ALDH18A1: variants seen among roughly 807,000 people sequenced by gnomAD.
The protein encoded by ALDH18A1 is delta-1-pyrroline-5-carboxylate synthase.
Under a neutral mutation model 88.8 loss-of-function variants are expected in ALDH18A1, and 44 were observed. The observed-to-expected ratio is 0.50, with a 90% CI of 0.39 to 0.64. The LOEUF (loss-of-function observed/expected upper bound fraction) is 0.64. Among genes scored for constraint, ALDH18A1 ranks in the 30% least tolerant of loss-of-function variants. The pLI, the probability that ALDH18A1 is intolerant of heterozygous loss-of-function variation, is 0.00. For synonymous variants in ALDH18A1, 331 were observed against 372.1 expected (o/e 0.89, Z 1.27); for missense variants, 782 against 1,009.5 (o/e 0.77, Z 3.05).
At chr10:95,627,379 T>TAA in intron 9 of ALDH18A1, 63 bp downstream of exon 9, 1 of 1,595,774 alleles carries the variant, frequency 6.3e-7, no homozygotes, top group Non-Finnish European at 8.6e-7. Flanking sequence ...TTGTGATCTC[T>TAA]AACTAAGCCA....
chr10:95,648,458 G>A (rs1017182281), intron 2 of ALDH18A1, among the ~76,000 whole-genome samples: 7 of 152,090 alleles, frequency 4.6e-5, no homozygotes, highest in Non-Finnish European at 1.0e-4. Flanking sequence ...GGAAACTGAT[G>A]CTCAGAGTAA....
At chr10:95,616,368 T>G in intron 13 of ALDH18A1, 109 bp downstream of exon 13, 1 of 1,441,132 alleles carries the variant, frequency 6.9e-7, no homozygotes, top group Non-Finnish European at 9.5e-7. Flanking sequence ...GAGTGTCAAG[T>G]CTGCTTGTAG....
At position 95,616,484 on chromosome 10, in the gene ALDH18A1, A is replaced by C. The variant is rs796197665; in HGVS notation, c.1598T>G (p.Val533Gly). The C allele has an allele frequency of 2.6e-6, 4 of 1,565,308 alleles. No individual in the cohort carries two copies. The Admixed American group carries it at 7.7e-5, about 30-fold the overall frequency. The change falls in exon 13 of 18, where the codon GTG becomes GGG. Residue 533 changes from valine to glycine, a missense_variant. Around this residue, in one of 3 missense-constraint regions of ALDH18A1, gnomAD observed 556 missense variants for 654.5 expected, o/e 0.85. Coordinates refer to ENST00000371224, the MANE Select transcript of ALDH18A1 (RefSeq NM_002860.4). The part of the protein sequence containing the change: ...ALSIHGVKEA[V>G]QLVNTREEVE... ...GCATTCCCAGGGACCTACCAGTTGC[A>C]CGGCCTCCTTGACTCCATGGATTGA...
intron 3 of ALDH18A1, among the ~76,000 whole-genome samples, chr10:95,642,533 T>C (rs1371630163): frequency 1.3e-5 from 2 of 152,162 alleles, no homozygotes; most frequent in Non-Finnish European, 2.9e-5. Flanking sequence ...GAGTATCACT[T>C]GAGCTCGATA....
At chr10:95,610,933 T>C (rs974899702) in intron 16 of ALDH18A1, among the ~76,000 whole-genome samples, 3 of 152,216 alleles carry the variant, frequency 2.0e-5, no homozygotes, top group Non-Finnish European at 4.4e-5. Context: ...GCAGAGTTGG[T>C]TCTGCCTTGG....
chr10:95,622,152 T>A (rs192215048), intron 11 of ALDH18A1, among the ~76,000 whole-genome samples: 2 of 152,320 alleles, frequency 1.3e-5, no homozygotes, highest in East Asian at 3.9e-4. Context: ...AAATAAAATG[T>A]TAAATATTTT....
At chr10:95,610,640 CTG>C (rs2097832291) in intron 16 of ALDH18A1, among the ~76,000 whole-genome samples, 1 of 152,192 alleles carries the variant, frequency 6.6e-6, no homozygotes, top group African/African-American at 2.4e-5. Context: ...ACAAAACTCT[CTG>C]TGTCTGGGTC....
rs560801065 is a variant in ALDH18A1 at position 95,611,300 on chromosome 10, T to C, written c.2066A>G (p.His689Arg). Residue 689 changes from histidine (H) to arginine (R), a missense_variant, in exon 16 of 18, where the codon CAC becomes CGC. Transcript: ENST00000371224. ...ATCCGTGTGGGAGCTGCCATACTTG[T>C]GGATGTGGTCAATGGCATCCTGAAC... ...DNVQDAIDHI[H>R]KYGSSHTDVI... 1 of 1,614,214 alleles carries C rather than the reference T, an allele frequency of 6.2e-7. No homozygotes were observed. The highest frequency in any genetic ancestry group is 1.3e-5 in the African/African-American group (1 of 75,064).
intron 13 of ALDH18A1, among the ~76,000 whole-genome samples, chr10:95,615,731 C>G (rs1297735710): frequency 6.6e-6 from 1 of 152,046 alleles, no homozygotes; most frequent in African/African-American, 2.4e-5. Flanking sequence ...CTCCCAGTAG[C>G]CAACAGAATC....
intron 17 of ALDH18A1, among the ~76,000 whole-genome samples, chr10:95,607,392 C>T (rs1474793496): frequency 6.6e-6 from 1 of 152,156 alleles, no homozygotes; most frequent in Non-Finnish European, 1.5e-5. Context: ...GCACAAGGGA[C>T]TCATTAGACA....
chr10:95,654,676 G>C (rs772047187), intron 1 of ALDH18A1, among the ~76,000 whole-genome samples: 13 of 150,670 alleles, frequency 8.6e-5, no homozygotes, highest in Non-Finnish European at 1.3e-4. Flanking sequence ...AGACTGGCAG[G>C]ATGCAGCTGT....
chr10:95,638,402 T>C lies in ALDH18A1; in HGVS notation c.304-966A>G, dbSNP rs567320095. ...ATAGGACTTGACTGTATTAGGTTGGTGCAAAAGTAATTGCAGTTTTACCAT... is the reference window on the plus strand; with the variant it reads ...ATAGGACTTGACTGTATTAGGTTGGCGCAAAAGTAATTGCAGTTTTACCAT... On this transcript the variant is annotated intron_variant, in intron 3 of 17. Coordinates refer to ENST00000371224, the MANE Select transcript of ALDH18A1 (RefSeq NM_002860.4). Among the ~76,000 whole-genome samples, 5 of 152,314 alleles carry C rather than the reference T, an allele frequency of 3.3e-5. No individual in the cohort carries two copies. The East Asian group carries it at 7.7e-4, about 23-fold the overall frequency.
chr10:95,627,523 G>A lies in ALDH18A1; in HGVS notation c.997C>T (p.Pro333Ser). ...TSVVIANGTH[P>S]KVSGHVITDI... Reference sequence around the variant, plus strand: ...GTGATGACGTGCCCAGACACCTTTGGGTGGGTTCCATTGGCAATAACAACA... The same window carrying A: ...GTGATGACGTGCCCAGACACCTTTGAGTGGGTTCCATTGGCAATAACAACA... The change falls in exon 9 of 18, where the codon CCA becomes TCA. Residue 333 changes from proline to serine, a missense_variant. Pro to Ser is a moderately conservative substitution (Grantham distance 74). Coordinates refer to ENST00000371224, the MANE Select transcript of ALDH18A1 (RefSeq NM_002860.4). 6.2e-7 allele frequency: 1 copy of A among 1,614,048 alleles called. No individual in the cohort carries two copies. Among genetic ancestry groups the A allele is most frequent in the Non-Finnish European group, 8.5e-7 (1 of 1,179,976 alleles).
In ALDH18A1 at chr10:95,653,364, A is replaced by G. The variant is rs1294901037; in HGVS notation, c.14T>C (p.Val5Ala). MLSQ[V>A]YRCGFQPFNQ... ...GAAGGGCTGGAACCCACAGCGGTAA[A>G]CTTGACTCAACATGCTGCGATGTGG... is the stretch of plus-strand genomic sequence containing the variant. The change falls in exon 2 of 18, where the codon GTT becomes GCT. Residue 5 changes from valine to alanine, a missense_variant. Coordinates refer to ENST00000371224, the MANE Select transcript of ALDH18A1 (RefSeq NM_002860.4). 6.2e-7 allele frequency: 1 copy of G among 1,613,348 alleles called. No homozygotes were observed. The highest frequency in any genetic ancestry group is 1.3e-5 in the African/African-American group (1 of 74,598).
chr10:95,642,099 C>G (rs2097892858), intron 3 of ALDH18A1, among the ~76,000 whole-genome samples: 1 of 152,174 alleles, frequency 6.6e-6, no homozygotes, highest in Admixed American at 6.5e-5. Flanking sequence ...AATTTAATTA[C>G]AAGGTAGTGT....
At chr10:95,633,743 T>C (rs1803262571) in intron 5 of ALDH18A1, 94 bp from the exon 6 acceptor site, 13 of 1,428,846 alleles carry the variant, frequency 9.1e-6, no homozygotes, top group Non-Finnish European at 1.3e-5. Flanking sequence ...AGTTAAACTT[T>C]AGGTTTCTGG....
At position 95,633,564 on chromosome 10, in the gene ALDH18A1, A is replaced by G; in HGVS notation, c.644T>C (p.Ile215Thr). Residue 215 changes from isoleucine to threonine, a missense_variant, in exon 6 of 18, where the codon ATT (isoleucine) becomes ACT (threonine). Physicochemically the swap from Ile to Thr is moderately conservative, Grantham distance 89. Around this residue, in one of 3 missense-constraint regions of ALDH18A1, gnomAD observed 132 missense variants for 255.5 expected, o/e 0.52. Coordinates refer to ENST00000371224, the MANE Select transcript of ALDH18A1 (RefSeq NM_002860.4). ...ATCATTTGTGTTGACAATGGGGACA[A>G]TGTTCATTCTAAGGAGTTCATGAAG... ...GTLHELLRMN[I>T]VPIVNTNDAV... 1 of 1,614,128 alleles carries G rather than the reference A, an allele frequency of 6.2e-7. No homozygotes were observed. Among genetic ancestry groups the G allele is most frequent in the Non-Finnish European group, 8.5e-7 (1 of 1,180,040 alleles).
intron 16 of ALDH18A1, 121 bp from the exon 17 acceptor site, chr10:95,610,413 G>T: frequency 1.2e-6 from 1 of 817,766 alleles, no homozygotes; most frequent in Non-Finnish European, 2.1e-6. Flanking sequence ...CTCTCCATGT[G>T]TTCTCACGTA....
chr10:95,633,004 C>A lies in ALDH18A1; in HGVS notation c.763G>T (p.Val255Leu), dbSNP rs1405894469. 6.2e-7 allele frequency: 1 copy of A among 1,614,210 alleles called. No individual in the cohort carries two copies. The highest frequency in any genetic ancestry group is 8.5e-7 in the Non-Finnish European group (1 of 1,180,030). Residue 255 changes from valine to leucine, a missense_variant, in exon 7 of 18, where the codon GTG (valine) becomes TTG (leucine). Around this residue, in one of 3 missense-constraint regions of ALDH18A1, gnomAD observed 132 missense variants for 255.5 expected, o/e 0.52. Transcript: ENST00000371224. ...ATCAAGAGATCAGTTTTCATTTCCA[C>A]AGCCAGTCGGGCAGCCAGGCTATCA... ...DNDSLAARLAVEMKTDLLIVL... is the reference protein window; with the variant it reads ...DNDSLAARLALEMKTDLLIVL...
Sources: gnomAD v4.1 joint callset for allele counts (sites outside exome capture counted in the v4.1 genomes callset) on GRCh38, gnomAD v4.1.1 for gene constraint, gnomAD v4.1.1 regional missense constraint, MANE v1.5 for transcripts, NCBI Gene and HGNC (gene_info 2026-07-23, HGNC 2026-07-21) for gene names.